TTLL7: variants seen among roughly 807,000 people sequenced by gnomAD.
The protein encoded by TTLL7 is tubulin tyrosine ligase like 7.
A neutral mutation model predicts 120.2 loss-of-function variants in TTLL7; 53 were observed. The ratio of observed to expected loss-of-function variants is 0.44; its 90% CI spans 0.35 to 0.55. The LOEUF (loss-of-function observed/expected upper bound fraction) is 0.55. Among genes scored for constraint, TTLL7 ranks in the 20% least tolerant of loss-of-function variants. The probability of loss-of-function intolerance (pLI) is 0.00; values close to 1 mark genes in which losing one functional copy is unlikely to be tolerated. For synonymous variants in TTLL7, 353 were observed against 351.7 expected (o/e 1.00, Z -0.04); for missense variants, 803 against 1,054.7 (o/e 0.76, Z 3.31).
intron 1 of TTLL7, among the ~76,000 whole-genome samples, chr1:83,972,695 T>C (rs1043131201): frequency 6.6e-6 from 1 of 152,116 alleles, no homozygotes; most frequent in Non-Finnish European, 1.5e-5. Flanking sequence ...CTGCCAGCAA[T>C]GAATGAGAGC....
At chr1:83,964,124 A>G (rs890318278) in intron 1 of TTLL7, among the ~76,000 whole-genome samples, 1 of 152,274 alleles carries the variant, frequency 6.6e-6, no homozygotes. Flanking sequence ...GCCCTCTCCA[A>G]AGAAAACTAA....
Position 83,952,228 on chromosome 1 carries a change from T to C in TTLL7, c.-17A>G. The C allele has an allele frequency of 6.2e-7, 1 of 1,613,954 alleles. No homozygotes were observed. The highest frequency in any genetic ancestry group is 8.5e-7 in the Non-Finnish European group (1 of 1,179,902). On this transcript the variant is annotated 5_prime_UTR_variant, in exon 2 of 21. Coordinates refer to ENST00000260505, the MANE Select transcript of TTLL7 (RefSeq NM_024686.6). The stretch of plus-strand genomic sequence containing the variant: ...AGATGGCATTATTGCCTGTGCTGAT[T>C]AGCAAGCAGTGTGTGCTGCTGTACC...
Position 83,867,748 on chromosome 1 carries a change from G to A in TTLL7, c.*2214C>T, listed in dbSNP as rs1259097534. On this transcript the variant is annotated 3_prime_UTR_variant, in exon 21 of 21. Transcript: ENST00000260505. ...ATCAGACACTTATATATATATTTTTGTGGCCAAATCATGAATTTAAAAGAA... is the reference window on the plus strand; with the variant it reads ...ATCAGACACTTATATATATATTTTTATGGCCAAATCATGAATTTAAAAGAA... 1 of 151,768 alleles carries A rather than the reference G, an allele frequency of 6.6e-6. No individual in the cohort carries two copies. Among genetic ancestry groups the A allele is most frequent in the African/African-American group, 2.4e-5 (1 of 41,364 alleles). 9.4% of individuals were successfully genotyped at this position (151,768 alleles called of 1,614,324 possible). A position where few individuals can be genotyped will look rare whatever the true frequency, so the allele number is the denominator to read the frequency against.
chr1:83,887,304 C>A, intron 19 of TTLL7: 2 of 1,008,910 alleles, frequency 2.0e-6, no homozygotes, highest in Non-Finnish European at 2.6e-6. Flanking sequence ...AAAGTTGAAC[C>A]TTATATTAAA....
intron 18 of TTLL7, among the ~76,000 whole-genome samples, chr1:83,893,471 T>C (rs1348426679): frequency 1.3e-5 from 2 of 152,050 alleles, no homozygotes; most frequent in African/African-American, 4.8e-5. Flanking sequence ...TCTAGCTCTA[T>C]AATTATGGCA....
intron 20 of TTLL7, among the ~76,000 whole-genome samples, chr1:83,880,620 A>G (rs1287532579): frequency 1.3e-5 from 2 of 152,096 alleles, no homozygotes; most frequent in Admixed American, 1.3e-4. Flanking sequence ...TAGTGTTTCA[A>G]AGTCATGGCT....
intron 1 of TTLL7, among the ~76,000 whole-genome samples, chr1:83,956,428 T>A (rs1393462451): frequency 2.4e-5 from 1 of 42,024 alleles, no homozygotes; most frequent in Non-Finnish European, 7.6e-5. Flanking sequence ...CCTAGCCCAC[T>A]TTTTTTTTTT....
At chr1:83,948,184 AACAC>A (rs35199174) in intron 5 of TTLL7, among the ~76,000 whole-genome samples, 9,901 of 147,382 alleles carry the variant, frequency 0.067, 336 homozygotes, top group Middle Eastern at 0.14. Flanking sequence ...GACACACACA[AACAC>A]ACACACACAC....
At chr1:83,870,171 T>C (rs1163043618) in intron 20 of TTLL7, 89 bp from the exon 21 acceptor site, 2 of 1,232,874 alleles carry the variant, frequency 1.6e-6, no homozygotes, top group Non-Finnish European at 2.2e-6. Context: ...TTACGTAGTC[T>C]ATATGAGAAA....
At chr1:83,902,023 T>A (rs914857414) in intron 18 of TTLL7, 2 of 151,748 alleles carry the variant, frequency 1.3e-5, no homozygotes, top group Non-Finnish European at 1.5e-5. Context: ...TCTCCCCAAA[T>A]CTCCAGAAGC....
chr1:83,937,696 C>T (rs1647549295), intron 8 of TTLL7, among the ~76,000 whole-genome samples, 156 bp downstream of exon 8: 1 of 152,150 alleles, frequency 6.6e-6, no homozygotes, highest in African/African-American at 2.4e-5. Context: ...TGTTAGGCAG[C>T]GTGTGGCTGT....
intron 1 of TTLL7, among the ~76,000 whole-genome samples, chr1:83,954,184 C>T (rs1295578164): frequency 6.6e-6 from 1 of 152,010 alleles, no homozygotes; most frequent in African/African-American, 2.4e-5. Flanking sequence ...ACTTTAAAAA[C>T]AAGCTTCACC....
chr1:83,979,155 A>G (rs1454226779), intron 1 of TTLL7: 1 of 152,290 alleles, frequency 6.6e-6, no homozygotes, highest in Non-Finnish European at 1.5e-5. Flanking sequence ...GAGGCCAGCC[A>G]CACAGAAGAC....
chr1:83,922,790 G>A lies in TTLL7; in HGVS notation c.1143-1396C>T, dbSNP rs1658794402. Among the ~76,000 whole-genome samples the A allele has an allele frequency of 1.3e-5, 2 of 150,678 alleles. 1 individual carries two copies. Among genetic ancestry groups the A allele is most frequent in the Non-Finnish European group, 3.0e-5 (2 of 67,692 alleles). On this transcript the variant is annotated intron_variant, in intron 10 of 20. Coordinates refer to ENST00000260505, the MANE Select transcript of TTLL7 (RefSeq NM_024686.6). Reference sequence around the variant, plus strand: ...TATATTTGTATATGTTAAAGATTATGCTCTTGGCAGTATATACAGTGGCTT... The same window carrying A: ...TATATTTGTATATGTTAAAGATTATACTCTTGGCAGTATATACAGTGGCTT...
At chr1:83,909,101 G>A (rs554101347) in intron 15 of TTLL7, among the ~76,000 whole-genome samples, 9 of 150,598 alleles carry the variant, frequency 6.0e-5, no homozygotes, top group South Asian at 2.1e-4. Flanking sequence ...AATGTGCGCC[G>A]AGAGCAAACT....
At chr1:83,872,298 G>A (rs968015763) in intron 20 of TTLL7, among the ~76,000 whole-genome samples, 1 of 152,132 alleles carries the variant, frequency 6.6e-6, no homozygotes, top group Non-Finnish European at 1.5e-5. Context: ...TATAACAGGT[G>A]ATGAATAATG....
At chr1:83,983,009 C>A (rs1652109982) in intron 1 of TTLL7, among the ~76,000 whole-genome samples, 1 of 151,996 alleles carries the variant, frequency 6.6e-6, no homozygotes, top group Non-Finnish European at 1.5e-5. Context: ...AGCGACACCT[C>A]TCTGATCTTT....
chr1:83,903,732 C>A (rs989013054), intron 18 of TTLL7, among the ~76,000 whole-genome samples: 3 of 151,648 alleles, frequency 2.0e-5, no homozygotes, highest in Non-Finnish European at 2.9e-5. Context: ...CACAGCCATC[C>A]TTTTTTTTCC....
At chr1:83,925,894 G>C (rs968361764) in intron 10 of TTLL7, among the ~76,000 whole-genome samples, 2 of 152,024 alleles carry the variant, frequency 1.3e-5, no homozygotes, top group Non-Finnish European at 2.9e-5. Flanking sequence ...GGCCGAGGCG[G>C]TGGATCACCT....
Sources: gnomAD v4.1 joint callset for allele counts (sites outside exome capture counted in the v4.1 genomes callset) on GRCh38, gnomAD v4.1.1 for gene constraint, MANE v1.5 for transcripts, NCBI Gene and HGNC (gene_info 2026-07-23, HGNC 2026-07-21) for gene names.